UNC5C: variants seen among roughly 807,000 people sequenced by gnomAD.
UNC5C encodes unc-5 netrin receptor C.
Under a neutral mutation model 99.8 loss-of-function variants are expected in UNC5C, and 47 were observed. That is an observed-to-expected ratio of 0.47 (90% CI 0.37 to 0.60). UNC5C has a LOEUF of 0.60. Ranked by LOEUF, UNC5C falls within the 20% of genes least tolerant of loss-of-function variation. The pLI is 0.00. For missense variants in UNC5C, 1,062 were observed against 1,165.9 expected, an observed-to-expected ratio of 0.91 and a Z score of 1.30; for synonymous variants, 487 against 452.2, an observed-to-expected ratio of 1.08 and a Z score of -0.98.
chr4:95,214,544 A>G (rs1738181341), intron 10 of UNC5C, among the ~76,000 whole-genome samples: 1 of 152,242 alleles, frequency 6.6e-6, no homozygotes, highest in African/African-American at 2.4e-5. Flanking sequence ...CTGCCAAGGA[A>G]AGTATGGGGA....
In UNC5C at chr4:95,268,789, G is replaced by A. The variant is rs578016007; in HGVS notation, c.594+9470C>T. On this transcript the variant is annotated intron_variant, in intron 4 of 15. Coordinates refer to ENST00000453304, the MANE Select transcript of UNC5C (RefSeq NM_003728.4). ...TAGAAAACTCCACGTCTATCAGAAA[G>A]GTTACTCTGTTAAACTCATACTGAG... Among the ~76,000 whole-genome samples the A allele has an allele frequency of 3.3e-5, 5 of 152,274 alleles. No homozygotes were observed. The East Asian group carries it at 7.7e-4, about 24-fold the overall frequency.
intron 2 of UNC5C, among the ~76,000 whole-genome samples, chr4:95,312,387 G>C (rs1394730952): frequency 2.6e-5 from 4 of 152,264 alleles, no homozygotes; most frequent in Non-Finnish European, 2.9e-5. Flanking sequence ...TGAATGATCT[G>C]TACATATATA....
chr4:95,395,963 G>C (rs1745497968), intron 1 of UNC5C, among the ~76,000 whole-genome samples: 2 of 152,196 alleles, frequency 1.3e-5, no homozygotes, highest in African/African-American at 2.4e-5. Context: ...AGCTTTCAGA[G>C]CAGCACAGCT....
intron 1 of UNC5C, among the ~76,000 whole-genome samples, chr4:95,427,898 T>C (rs1341052477): frequency 6.6e-6 from 1 of 152,170 alleles, no homozygotes; most frequent in Non-Finnish European, 1.5e-5. Context: ...TTTATTCTTA[T>C]GTGTGGTTTG....
At chr4:95,268,579 TAGAG>T (rs773479137) in intron 4 of UNC5C, among the ~76,000 whole-genome samples, 5 of 152,220 alleles carry the variant, frequency 3.3e-5, no homozygotes, top group Non-Finnish European at 7.3e-5. Flanking sequence ...ATGTCAATAA[TAGAG>T]AGCAAAACAT....
intron 1 of UNC5C, among the ~76,000 whole-genome samples, chr4:95,459,694 T>C (rs1747544778): frequency 6.6e-6 from 1 of 152,156 alleles, no homozygotes; most frequent in Non-Finnish European, 1.5e-5. Context: ...GAGCAGTTAG[T>C]ATAGGTTCCA....
intron 1 of UNC5C, among the ~76,000 whole-genome samples, chr4:95,435,893 C>T (rs1193157038): frequency 6.6e-6 from 1 of 151,994 alleles, no homozygotes; most frequent in Admixed American, 6.6e-5. Flanking sequence ...TCAAATTTTG[C>T]ATGTTATGCT....
chr4:95,464,328 C>A (rs1286781668), intron 1 of UNC5C, among the ~76,000 whole-genome samples: 1 of 152,088 alleles, frequency 6.6e-6, no homozygotes, highest in Admixed American at 6.6e-5. Flanking sequence ...TGAATTGGTT[C>A]CTACAGAAAT....
At chr4:95,337,503 A>G (rs72676428) in intron 1 of UNC5C, among the ~76,000 whole-genome samples, 2,017 of 152,042 alleles carry the variant, frequency 0.013, 26 homozygotes, top group Non-Finnish European at 0.019. Flanking sequence ...CTTTCTTCTG[A>G]TTATTTTATT....
intron 1 of UNC5C, among the ~76,000 whole-genome samples, chr4:95,372,832 A>G (rs1245776225): frequency 1.3e-5 from 2 of 152,186 alleles, no homozygotes; most frequent in African/African-American, 4.8e-5. Context: ...CAGAGGATGC[A>G]CAAATATAAC....
chr4:95,327,886 T>C (rs1047001948), intron 2 of UNC5C, among the ~76,000 whole-genome samples: 5 of 151,940 alleles, frequency 3.3e-5, no homozygotes, highest in African/African-American at 1.2e-4. Flanking sequence ...TGAAAAAGAA[T>C]TCAGGACACA....
chr4:95,180,903 G>C (rs1341795694), intron 14 of UNC5C, among the ~76,000 whole-genome samples: 1 of 152,120 alleles, frequency 6.6e-6, no homozygotes, highest in Non-Finnish European at 1.5e-5. Flanking sequence ...CTTGTTTATG[G>C]TTTGTCAATC....
intron 1 of UNC5C, among the ~76,000 whole-genome samples, chr4:95,404,170 C>A (rs72659961): frequency 0.086 from 13,155 of 152,120 alleles, 670 homozygotes; most frequent in African/African-American, 0.13. Context: ...ATTTTCACAA[C>A]GTTCTTGGGG....
At chr4:95,432,083 A>G (rs1039812061) in intron 1 of UNC5C, among the ~76,000 whole-genome samples, 11 of 152,156 alleles carry the variant, frequency 7.2e-5, no homozygotes, top group African/African-American at 2.7e-4. Flanking sequence ...TTAAATTCCA[A>G]TGAAGATAGT....
At chr4:95,342,500 T>G (rs370479109) in intron 1 of UNC5C, among the ~76,000 whole-genome samples, 11 of 152,150 alleles carry the variant, frequency 7.2e-5, no homozygotes, top group African/African-American at 2.6e-4. Flanking sequence ...CCCTGAATAA[T>G]CAGCAGCAAT....
intron 1 of UNC5C, among the ~76,000 whole-genome samples, chr4:95,548,090 T>C (rs1407752910): frequency 2.0e-5 from 3 of 152,154 alleles, no homozygotes; most frequent in South Asian, 2.1e-4. Flanking sequence ...GGGGTATGTA[T>C]GAGTGCAGAG....
chr4:95,409,494 T>C (rs7692318), intron 1 of UNC5C, among the ~76,000 whole-genome samples: 33,829 of 152,184 alleles, frequency 0.22, 6,053 homozygotes, highest in African/African-American at 0.49. Context: ...AAATGTGCAT[T>C]AATGTTGCTC....
chr4:95,370,588 T>G (rs1744714007), intron 1 of UNC5C, among the ~76,000 whole-genome samples: 1 of 152,110 alleles, frequency 6.6e-6, no homozygotes, highest in Non-Finnish European at 1.5e-5. Context: ...AAAAGAAAGG[T>G]TTATTTGTAC....
chr4:95,312,583 C>T (rs1186407442), intron 2 of UNC5C, among the ~76,000 whole-genome samples: 1 of 152,124 alleles, frequency 6.6e-6, no homozygotes, highest in Non-Finnish European at 1.5e-5. Flanking sequence ...AGATCAGAAT[C>T]TAAACAATTG....
Sources: gnomAD v4.1 joint callset for allele counts (sites outside exome capture counted in the v4.1 genomes callset) on GRCh38, gnomAD v4.1.1 for gene constraint, MANE v1.5 for transcripts, NCBI Gene and HGNC (gene_info 2026-07-23, HGNC 2026-07-21) for gene names.